Variants in C6 observed in about 807,000 individuals in gnomAD.
The protein encoded by C6 is complement C6, also known as complement component C6.
In C6, 101 loss-of-function variants were observed where a neutral mutation model predicts 112.9. That is an observed-to-expected ratio of 0.89 (90% CI 0.76 to 1.06). The LOEUF is 1.06. Among genes scored for constraint, C6 ranks in the 50% least tolerant of loss-of-function variants. The pLI, the probability that C6 is intolerant of heterozygous loss-of-function variation, is 0.00. For synonymous variants in C6, 431 were observed against 384.1 expected, an observed-to-expected ratio of 1.12 and a Z score of -1.43; for missense variants, 1,202 against 1,104.6, an observed-to-expected ratio of 1.09 and a Z score of -1.25.
intron 1 of C6, among the ~76,000 whole-genome samples, chr5:41,244,161 A>C (rs903811440): frequency 6.6e-6 from 1 of 152,242 alleles, no homozygotes; most frequent in African/African-American, 2.4e-5. Context: ...AAGTTTTATA[A>C]TAAAGTTGCA....
At chr5:41,255,854 G>A (rs1273049482) in intron 1 of C6, among the ~76,000 whole-genome samples, 6 of 152,202 alleles carry the variant, frequency 3.9e-5, no homozygotes, top group African/African-American at 1.4e-4. Flanking sequence ...TTATAGTTCA[G>A]CCTCTACAGA....
chr5:41,165,907 G>A (rs1042413664), intron 9 of C6, among the ~76,000 whole-genome samples: 1 of 152,044 alleles, frequency 6.6e-6, no homozygotes, highest in Non-Finnish European at 1.5e-5. Flanking sequence ...ATACATCACA[G>A]CATGAAATAA....
intron 5 of C6, among the ~76,000 whole-genome samples, chr5:41,194,625 A>C (rs909263923): frequency 2.6e-5 from 4 of 152,346 alleles, no homozygotes; most frequent in South Asian, 4.1e-4. Context: ...ATATGAAGCA[A>C]TAGAAATTGA....
At chr5:41,246,507 A>C (rs1741028754) in intron 1 of C6, among the ~76,000 whole-genome samples, 2 of 152,034 alleles carry the variant, frequency 1.3e-5, no homozygotes, top group African/African-American at 4.8e-5. Flanking sequence ...CTTCAGGTGC[A>C]AAAAAAATTA....
At chr5:41,161,035 C>T (rs559679509) in intron 10 of C6, among the ~76,000 whole-genome samples, 2 of 152,258 alleles carry the variant, frequency 1.3e-5, no homozygotes, top group African/African-American at 4.8e-5. Context: ...TAGAGCTCAA[C>T]ACATCTTCAC....
chr5:41,185,981 G>T, intron 6 of C6, 89 bp downstream of exon 6: 1 of 1,495,628 alleles, frequency 6.7e-7, no homozygotes, highest in Non-Finnish European at 9.3e-7. Context: ...TTTTTATTCT[G>T]TCCCTTCATT....
intron 1 of C6, among the ~76,000 whole-genome samples, chr5:41,243,722 C>T (rs1255310734): frequency 1.3e-5 from 2 of 152,134 alleles, no homozygotes; most frequent in African/African-American, 4.8e-5. Context: ...CTACTCTCTG[C>T]CTGAAGGCTT....
rs536601600 is a variant in C6, at chr5:41,229,103, C to T, written c.-20-25853G>A. On this transcript the variant is annotated intron_variant, in intron 1 of 17. Transcript: ENST00000263413. ...GCACTCCAGCTTGGGCGACAGAGCA[C>T]GACTCCATCAAAAAGAAAAAGAAAA... Among the ~76,000 whole-genome samples the T allele has an allele frequency of 7.2e-5, 11 of 152,072 alleles. No homozygotes were observed. The East Asian group carries it at 1.2e-3, about 16-fold the overall frequency.
At chr5:41,225,176 T>A (rs1043057170) in intron 1 of C6, among the ~76,000 whole-genome samples, 51 of 152,318 alleles carry the variant, frequency 3.3e-4, no homozygotes, top group Admixed American at 2.4e-3. Flanking sequence ...TAACTCATCA[T>A]TTAACATTAG....
chr5:41,211,026 G>A (rs868337021), intron 1 of C6, among the ~76,000 whole-genome samples: 10 of 152,144 alleles, frequency 6.6e-5, no homozygotes, highest in African/African-American at 2.2e-4. Context: ...AGAAAATGTG[G>A]CACATATACA....
chr5:41,180,311 A>G (rs1749220833), intron 7 of C6, among the ~76,000 whole-genome samples: 1 of 152,136 alleles, frequency 6.6e-6, no homozygotes, highest in South Asian at 2.1e-4. Flanking sequence ...CATTCTCCTC[A>G]TTCATCTCTT....
At chr5:41,196,062 G>T in intron 4 of C6, 129 bp from the exon 5 acceptor site, 2 of 1,035,858 alleles carry the variant, frequency 1.9e-6, no homozygotes, top group Middle Eastern at 2.7e-4. Context: ...TTTTGATAGA[G>T]TTTTAGGGAG....
chr5:41,172,536 G>A, intron 8 of C6, 189 bp from the exon 9 acceptor site: 1 of 641,254 alleles, frequency 1.6e-6, no homozygotes. Flanking sequence ...TGGGCCCAGA[G>A]ATGATCCTGA....
intron 1 of C6, among the ~76,000 whole-genome samples, chr5:41,226,946 A>G (rs775106068): frequency 3.3e-5 from 5 of 152,150 alleles, no homozygotes; most frequent in Non-Finnish European, 5.9e-5. Flanking sequence ...TTGACATACT[A>G]ATTTTATTTC....
chr5:41,232,023 C>T (rs892757634), intron 1 of C6, among the ~76,000 whole-genome samples: 1 of 151,888 alleles, frequency 6.6e-6, no homozygotes, highest in Non-Finnish European at 1.5e-5. Flanking sequence ...TCAGGTTTTA[C>T]CTTTTAAGAA....
intron 1 of C6, among the ~76,000 whole-genome samples, chr5:41,259,815 C>T (rs1451717227): frequency 2.6e-5 from 4 of 152,160 alleles, no homozygotes; most frequent in Non-Finnish European, 4.4e-5. Flanking sequence ...AGAATAGGGA[C>T]ACCGTCAGCT....
intron 17 of C6, among the ~76,000 whole-genome samples, chr5:41,148,667 G>T (rs139955238): frequency 2.6e-5 from 4 of 152,188 alleles, no homozygotes; most frequent in Admixed American, 2.6e-4. Flanking sequence ...CTGACCCCAC[G>T]CATGGTGGGG....
intron 4 of C6, 117 bp from the exon 5 acceptor site, chr5:41,196,050 G>T: frequency 8.4e-7 from 1 of 1,195,646 alleles, no homozygotes; most frequent in Non-Finnish European, 1.2e-6. Context: ...AGTCTTCACT[G>T]TTTTTGATAG....
intron 17 of C6, among the ~76,000 whole-genome samples, chr5:41,144,751 T>A (rs72753965): frequency 6.6e-6 from 1 of 151,968 alleles, no homozygotes; most frequent in Non-Finnish European, 1.5e-5. Context: ...CTATCCACCC[T>A]CAAGTCGGCC....
Sources: allele counts gnomAD v4.1 joint callset (sites outside exome capture counted in the v4.1 genomes callset), GRCh38; gene constraint gnomAD v4.1.1; transcripts MANE v1.5; gene names NCBI Gene and HGNC (gene_info 2026-07-23, HGNC 2026-07-21).